NCOA6: variants seen among roughly 807,000 people sequenced by gnomAD.
NCOA6 encodes NRC RAP250.
A neutral mutation model predicts 171.4 loss-of-function variants in NCOA6; 49 were observed. That is an observed-to-expected ratio of 0.29 (90% CI 0.23 to 0.36). The LOEUF is 0.36. Ranked by LOEUF, NCOA6 falls within the 10% of genes least tolerant of loss-of-function variation. The pLI, the probability that NCOA6 is intolerant of heterozygous loss-of-function variation, is 1.00. For synonymous variants in NCOA6, 910 were observed against 927.5 expected (o/e 0.98, Z 0.34); for missense variants, 2,248 against 2,554.5 (o/e 0.88, Z 2.59).
rs750675133 is a variant in NCOA6 at position 34,736,769 on chromosome 20, GA to G, written c.5894-12del. ...AATTCTGCGACGGGGCTAAGGCAAG[GA>G]AAAAAAAATTACAGACCTTTTACTT... On this transcript the variant is annotated splice_polypyrimidine_tract_variant and intron_variant, in intron 11 of 14. Coordinates refer to ENST00000359003, the MANE Select transcript of NCOA6 (RefSeq NM_014071.5). 175 of 1,576,142 alleles carry G rather than the reference GA, an allele frequency of 1.1e-4. No individual in the cohort carries two copies. The highest frequency in any genetic ancestry group is 2.6e-4 in the South Asian group (22 of 85,806).
intron 14 of NCOA6, among the ~76,000 whole-genome samples, chr20:34,724,338 C>T (rs1480614605): frequency 6.6e-6 from 1 of 152,198 alleles, no homozygotes; most frequent in Non-Finnish European, 1.5e-5. Flanking sequence ...CTGGCCTATT[C>T]CCAGAGGCTC....
At chr20:34,725,803 T>C (rs898565428) in intron 14 of NCOA6, among the ~76,000 whole-genome samples, 2 of 152,040 alleles carry the variant, frequency 1.3e-5, no homozygotes, top group Admixed American at 6.6e-5. Context: ...CTGTTGGAGG[T>C]GAAAAATCAC....
At chr20:34,825,367 C>G (rs1421358823) in intron 1 of NCOA6, 105 bp downstream of exon 1, 3 of 149,838 alleles carry the variant, frequency 2.0e-5, no homozygotes, top group South Asian at 2.1e-4. Context: ...CGCCATTTTT[C>G]CGCGCGGGCC....
intron 5 of NCOA6, among the ~76,000 whole-genome samples, chr20:34,763,616 C>T (rs2076882185): frequency 6.6e-6 from 1 of 152,026 alleles, no homozygotes; most frequent in Admixed American, 6.6e-5. Context: ...GAAAATACGC[C>T]CCTCCACAGC....
In NCOA6 at chr20:34,750,487, T is replaced by A; in HGVS notation, c.1708A>T (p.Met570Leu). The A allele has an allele frequency of 6.2e-7, 1 of 1,611,694 alleles. No individual in the cohort carries two copies. Among genetic ancestry groups the A allele is most frequent in the South Asian group, 1.1e-5 (1 of 90,900 alleles). ...TTTGGCGGCCCGTGGGACACCTGCA[T>A]CTGGTTTTGAGGAGGACCAGCTCCT... ...GQGAGPPQNQ[M>L]QVSHGPPNMM... Residue 570 changes from methionine (M) to leucine (L), a missense_variant, in exon 9 of 15, where the codon ATG becomes TTG. Physicochemically the swap from Met to Leu is conservative, Grantham distance 15. This residue lies in a region of NCOA6 where 987 missense variants were observed against 1,104.7 expected (regional missense o/e 0.89). Coordinates refer to ENST00000359003, the MANE Select transcript of NCOA6 (RefSeq NM_014071.5).
chr20:34,738,618 C>G (rs1568735098), intron 11 of NCOA6, among the ~76,000 whole-genome samples: 1 of 152,218 alleles, frequency 6.6e-6, no homozygotes, highest in African/African-American at 2.4e-5. Flanking sequence ...GCCCCCATCT[C>G]TCTAACACTG....
At chr20:34,723,534 G>A (rs1467939260) in intron 14 of NCOA6, among the ~76,000 whole-genome samples, 1 of 152,166 alleles carries the variant, frequency 6.6e-6, no homozygotes, top group African/African-American at 2.4e-5. Context: ...CCATTCTTTA[G>A]GGAGACACTT....
chr20:34,787,408 C>T (rs749655599), intron 2 of NCOA6, among the ~76,000 whole-genome samples: 1 of 151,994 alleles, frequency 6.6e-6, no homozygotes, highest in Non-Finnish European at 1.5e-5. Context: ...CACCTGTAGT[C>T]CCAGCTACAT....
At position 34,815,383 on chromosome 20, in the gene NCOA6, A is replaced by T. The variant is rs549357614; in HGVS notation, c.-164+10089T>A. 5.5e-3 allele frequency among the ~76,000 whole-genome samples: 837 copies of T among 151,912 alleles called. 4 individuals carry two copies. Among genetic ancestry groups the T allele is most frequent in the African/African-American group, 0.015 (628 of 41,462 alleles). ...CAAAGCGAGACTCTATTTTTTTTTT[A>T]AATAATAATTTAAAAATAAAAAGAC... On this transcript the variant is annotated intron_variant, in intron 1 of 14. Coordinates refer to ENST00000359003, the MANE Select transcript of NCOA6 (RefSeq NM_014071.5).
At chr20:34,721,238 CAAAAAAAAAAAAAAAA>C (rs10531679) in intron 14 of NCOA6, among the ~76,000 whole-genome samples, 2 of 66,042 alleles carry the variant, frequency 3.0e-5, no homozygotes, top group Admixed American at 1.8e-4. Context: ...TTCCTCTATA[CAAAAAAAAAAAAAAAA>C]AAAAAAAAAA....
chr20:34,741,149 G>C lies in NCOA6; in HGVS notation c.5107C>G (p.Pro1703Ala). The C allele has an allele frequency of 6.2e-7, 1 of 1,614,228 alleles. No individual in the cohort carries two copies. Among genetic ancestry groups the C allele is most frequent in the South Asian group, 1.1e-5 (1 of 91,086 alleles). Residue 1703 changes from proline to alanine, a missense_variant, in exon 11 of 15, where the codon CCT (proline) becomes GCT (alanine). Physicochemically the swap from Pro to Ala is conservative, Grantham distance 27 (BLOSUM62 -1). Around this residue, in one of 7 missense-constraint regions of NCOA6, gnomAD observed 884 missense variants for 941.9 expected, o/e 0.94. Transcript: ENST00000359003. ...SVAVVGPLHI[P>A]QNIKFSSAPV... ...GCAGAAGAAAATTTTATGTTCTGAG[G>C]TATGTGTAAAGGGCCAACAACTGCA... is the stretch of plus-strand genomic sequence containing the variant.
intron 2 of NCOA6, among the ~76,000 whole-genome samples, chr20:34,787,153 C>T (rs181650167): frequency 9.3e-5 from 14 of 150,810 alleles, no homozygotes; most frequent in Middle Eastern, 3.4e-3. Context: ...TTAAAAAGTG[C>T]GCTTTCAGGT....
At chr20:34,728,976 A>G (rs1415919954) in intron 13 of NCOA6, among the ~76,000 whole-genome samples, 3 of 152,162 alleles carry the variant, frequency 2.0e-5, no homozygotes, top group Non-Finnish European at 4.4e-5. Flanking sequence ...TTTGAGATGG[A>G]GTCTTGCTCT....
At chr20:34,716,241 G>A (rs1195305227) in intron 14 of NCOA6, among the ~76,000 whole-genome samples, 1 of 144,744 alleles carries the variant, frequency 6.9e-6, no homozygotes, top group Non-Finnish European at 1.5e-5. Flanking sequence ...AAAAAAGACT[G>A]TGGATACATA....
chr20:34,732,092 T>G (rs2075801904), intron 13 of NCOA6, among the ~76,000 whole-genome samples: 1 of 152,196 alleles, frequency 6.6e-6, no homozygotes, highest in Non-Finnish European at 1.5e-5. Flanking sequence ...AAGCCATAGA[T>G]GTATGTCATT....
chr20:34,815,324 C>A (rs961846544), intron 1 of NCOA6, among the ~76,000 whole-genome samples: 2 of 151,864 alleles, frequency 1.3e-5, no homozygotes, highest in African/African-American at 4.8e-5. Flanking sequence ...CAGCAGTGAG[C>A]CATGATCACA....
intron 3 of NCOA6, among the ~76,000 whole-genome samples, chr20:34,780,602 G>C (rs1008896738): frequency 6.6e-6 from 1 of 151,460 alleles, no homozygotes; most frequent in Non-Finnish European, 1.5e-5. Flanking sequence ...CGCCCACCTC[G>C]ACCTCCCAAA....
chr20:34,773,300 T>C (rs770979488), intron 4 of NCOA6, among the ~76,000 whole-genome samples: 1 of 152,090 alleles, frequency 6.6e-6, no homozygotes, highest in African/African-American at 2.4e-5. Flanking sequence ...GCACAAAATG[T>C]CCTCAAAAAA....
At chr20:34,818,603 A>G (rs191906013) in intron 1 of NCOA6, among the ~76,000 whole-genome samples, 1 of 152,278 alleles carries the variant, frequency 6.6e-6, no homozygotes, top group African/African-American at 2.4e-5. Context: ...GCTTTCACTC[A>G]GCCTGGAAAA....
Sources: gnomAD v4.1 joint callset for allele counts (sites outside exome capture counted in the v4.1 genomes callset) on GRCh38, gnomAD v4.1.1 for gene constraint, gnomAD v4.1.1 regional missense constraint, MANE v1.5 for transcripts, NCBI Gene and HGNC (gene_info 2026-07-23, HGNC 2026-07-21) for gene names.